The following RPH3A variants were observed in gnomAD, a reference collection of about 807,000 sequenced individuals.
RPH3A encodes the protein rabphilin 3A.
RPH3A carries 48 observed loss-of-function variants against 102.2 expected under a neutral mutation model. That is an observed-to-expected ratio of 0.47 (90% CI 0.37 to 0.60). The LOEUF is 0.60. RPH3A is among the 20% of genes least tolerant of loss of function. The pLI is 0.00. For missense variants in RPH3A, 781 were observed against 910.1 expected, an observed-to-expected ratio of 0.86 and a Z score of 1.83; for synonymous variants, 310 against 324.3, an observed-to-expected ratio of 0.96 and a Z score of 0.47.
chr12:112,892,145 T>A (rs1224386182), intron 19 of RPH3A, among the ~76,000 whole-genome samples: 1 of 152,200 alleles, frequency 6.6e-6, no homozygotes, highest in African/African-American at 2.4e-5. Flanking sequence ...TTTCTGTGGA[T>A]GTGGATCTCC....
Position 112,610,300 on chromosome 12 carries a change from C to T in RPH3A, c.-140+34981C>T, listed in dbSNP as rs572169727. Among the ~76,000 whole-genome samples the T allele has an allele frequency of 2.2e-3, 341 of 152,164 alleles. 2 individuals carry two copies. The highest frequency in any genetic ancestry group is 3.8e-3 in the Non-Finnish European group (256 of 68,008). On this transcript the variant is annotated intron_variant, in intron 1 of 21. Coordinates refer to the RPH3A transcript ENST00000543106. ...GGCAGATCACCTGAGGTTGGGAGTT[C>T]GAAACCAGCCTGGCTAACATGGTGA...
In RPH3A at chr12:112,814,838, GC is replaced by G. The variant is rs1213733511; in HGVS notation, c.-18-13462del. Among the ~76,000 whole-genome samples, 9 of 152,144 alleles carry G rather than the reference GC, an allele frequency of 5.9e-5. 1 individual carries two copies. The highest frequency in any genetic ancestry group is 2.1e-4 in the South Asian group (1 of 4,834). ...CATTTCTACACTACATCCCACCTCT[GC>G]AGACCTGTGAAATGCTGACACTCAG... On this transcript the variant is annotated intron_variant, in intron 2 of 21. Coordinates refer to ENST00000389385, the MANE Select transcript of RPH3A (RefSeq NM_001143854.2).
upstream of RPH3A, among the ~76,000 whole-genome samples, chr12:112,790,704 T>G (rs572811193): frequency 6.6e-6 from 1 of 152,352 alleles, no homozygotes; most frequent in East Asian, 1.9e-4. Context: ...ATTGTCCATA[T>G]AGTGAATTCA....
At chr12:112,715,104 C>T (rs946390189) in intron 1 of RPH3A, among the ~76,000 whole-genome samples, 4 of 152,200 alleles carry the variant, frequency 2.6e-5, no homozygotes, top group African/African-American at 9.7e-5. Context: ...ATTTTTCCAT[C>T]TCTCCATATG....
At chr12:112,753,892 A>G (rs547224141) in intron 1 of RPH3A, among the ~76,000 whole-genome samples, 15 of 152,326 alleles carry the variant, frequency 9.8e-5, no homozygotes, top group African/African-American at 3.4e-4. Context: ...GAAGATTATC[A>G]TGGATTACAA....
At position 112,592,864 on chromosome 12, in the gene RPH3A, A is replaced by G. The variant is rs192255450; in HGVS notation, c.-140+17545A>G. ...TCAATGGGCTATGAGCAGAAGGGGC[A>G]TACATCACCCCCAGGCCTAAGCCTG... is the stretch of plus-strand genomic sequence containing the variant. On this transcript the variant is annotated intron_variant, in intron 1 of 21. Coordinates refer to the RPH3A transcript ENST00000543106. Among the ~76,000 whole-genome samples the G allele has an allele frequency of 3.3e-5, 5 of 152,326 alleles. No homozygotes were observed. In the East Asian group the frequency reaches 7.7e-4, roughly 24 times the overall value.
intron 1 of RPH3A, among the ~76,000 whole-genome samples, chr12:112,673,637 G>A (rs573110559): frequency 6.6e-6 from 1 of 152,244 alleles, no homozygotes; most frequent in African/African-American, 2.4e-5. Flanking sequence ...ACATATCATG[G>A]AGAATGGGAT....
At position 112,674,874 on chromosome 12, in the gene RPH3A, C is replaced by T. The variant is rs532174279; in HGVS notation, c.-140+99555C>T. 7.9e-5 allele frequency among the ~76,000 whole-genome samples: 12 copies of T among 152,314 alleles called. No individual in the cohort carries two copies. The South Asian group carries it at 1.9e-3, about 24-fold the overall frequency. ...TTTGGGGGAAAAAAATCCACATTCT[C>T]TCTCAGGGGCTTTACTCCCTTGGTT... On this transcript the variant is annotated intron_variant, in intron 1 of 21. Coordinates refer to the RPH3A transcript ENST00000543106.
At chr12:112,770,595 T>C (rs1329315203) in intron 1 of RPH3A, among the ~76,000 whole-genome samples, 1 of 152,118 alleles carries the variant, frequency 6.6e-6, no homozygotes, top group Non-Finnish European at 1.5e-5. Context: ...CCACCTGCCT[T>C]GGCCTCCTAA....
chr12:112,784,101 C>T (rs1592997081), intron 1 of RPH3A, among the ~76,000 whole-genome samples: 1 of 152,268 alleles, frequency 6.6e-6, no homozygotes, highest in South Asian at 2.1e-4. Context: ...TCCATCAGAG[C>T]TTAAAGCTCC....
chr12:112,813,023 A>T (rs1166660902), intron 2 of RPH3A, among the ~76,000 whole-genome samples: 1 of 152,202 alleles, frequency 6.6e-6, no homozygotes, highest in African/African-American at 2.4e-5. Flanking sequence ...TACAAGTACT[A>T]ACTCATTTAA....
intron 2 of RPH3A, among the ~76,000 whole-genome samples, chr12:112,807,687 T>C (rs2041496039): frequency 6.6e-6 from 1 of 151,890 alleles, no homozygotes; most frequent in African/African-American, 2.4e-5. Flanking sequence ...CATTAGTCAC[T>C]CTTATTTTGA....
At chr12:112,718,917 A>C (rs958949380) in intron 1 of RPH3A, among the ~76,000 whole-genome samples, 16 of 152,196 alleles carry the variant, frequency 1.1e-4, no homozygotes, top group African/African-American at 3.6e-4. Flanking sequence ...GAATCTTCTA[A>C]AGATCTTTGG....
chr12:112,661,564 G>A (rs551358078), intron 1 of RPH3A, among the ~76,000 whole-genome samples: 64 of 152,272 alleles, frequency 4.2e-4, no homozygotes, highest in Middle Eastern at 3.4e-3. Flanking sequence ...GGCAAAAATA[G>A]CAAGTAGAAA....
Position 112,687,113 on chromosome 12 carries a change from AT to A in RPH3A, c.-139-105022del, listed in dbSNP as rs1032383139. On this transcript the variant is annotated intron_variant, in intron 1 of 21. Transcript: ENST00000543106. ...AGCCTGAGTGACAGAGTGAGACCCC[AT>A]TTTTTTTAAGCATTTGGCTGCAAGT... is the stretch of plus-strand genomic sequence containing the variant. 2.6e-5 allele frequency among the ~76,000 whole-genome samples: 4 copies of A among 151,924 alleles called. No homozygotes were observed. The East Asian group carries it at 5.8e-4, about 22-fold the overall frequency.
At chr12:112,694,993 A>G (rs1411702430) in intron 1 of RPH3A, 2 of 170,336 alleles carry the variant, frequency 1.2e-5, no homozygotes, top group Non-Finnish European at 2.9e-5. Flanking sequence ...TTTATATACA[A>G]CATTTAGGGA....
chr12:112,762,255 A>C (rs1246044054), intron 1 of RPH3A, among the ~76,000 whole-genome samples: 2 of 152,164 alleles, frequency 1.3e-5, no homozygotes, highest in Non-Finnish European at 1.5e-5. Flanking sequence ...CTGAGTGTGG[A>C]GGTACCCAGA....
At chr12:112,821,869 G>A (rs2041786434) in intron 2 of RPH3A, among the ~76,000 whole-genome samples, 2 of 152,030 alleles carry the variant, frequency 1.3e-5, no homozygotes, top group Non-Finnish European at 1.5e-5. Flanking sequence ...AATGGTAAAT[G>A]TTCCATAAAT....
At chr12:112,714,316 G>A (rs1398035434) in intron 1 of RPH3A, among the ~76,000 whole-genome samples, 1 of 152,168 alleles carries the variant, frequency 6.6e-6, no homozygotes, top group Admixed American at 6.5e-5. Flanking sequence ...TGTGATTCAT[G>A]AGGCGAGGAG....
Sources: gnomAD v4.1 joint callset for allele counts (sites outside exome capture counted in the v4.1 genomes callset) on GRCh38, gnomAD v4.1.1 for gene constraint, MANE v1.5 for transcripts, NCBI Gene and HGNC (gene_info 2026-07-23, HGNC 2026-07-21) for gene names.